MIA2: variants seen among roughly 807,000 people sequenced by gnomAD.
MIA2 encodes MIA SH3 domain ER export factor 2.
In MIA2, 127 loss-of-function variants were observed where a neutral mutation model predicts 167.8. The observed-to-expected ratio is 0.76, with a 90% confidence interval of 0.66 to 0.88. MIA2 has a LOEUF of 0.88. Ranked by LOEUF, MIA2 falls within the 40% of genes least tolerant of loss-of-function variation. The pLI is 0.00. For missense variants in MIA2, 1,690 were observed against 1,624.7 expected (o/e 1.04, Z -0.69); for synonymous variants, 552 against 541.9 (o/e 1.02, Z -0.26).
At chr14:39,381,785 C>A (rs1305571121) in intron 23 of MIA2, among the ~76,000 whole-genome samples, 1 of 150,934 alleles carries the variant, frequency 6.6e-6, no homozygotes, top group East Asian at 1.9e-4. Flanking sequence ...TAGAGTTGGT[C>A]AAACCCAATG....
chr14:39,321,023 C>T lies in MIA2; in HGVS notation c.3463C>T (p.Leu1155Phe), dbSNP rs145548637. 4 of 1,613,432 alleles carry T rather than the reference C, an allele frequency of 2.5e-6. No individual in the cohort carries two copies. Among genetic ancestry groups the T allele is most frequent in the Admixed American group, 1.7e-5 (1 of 59,886 alleles). ...PPTLLEGPLRLSPLLPGGGGR... is the reference protein window; with the variant it reads ...PPTLLEGPLRFSPLLPGGGGR... ...AACTTTGTTGGAGGGTCCACTCAGA[C>T]TCTCACCTTTGCTTCCAGGGGGAGG... Residue 1155 changes from leucine to phenylalanine, a missense_variant, in exon 24 of 29, where the codon CTC becomes TTC. Physicochemically the swap from Leu to Phe is conservative, Grantham distance 22. Coordinates refer to ENST00000640607, the MANE Select transcript of MIA2 (RefSeq NM_001329214.4).
At chr14:39,360,748 A>G (rs1268359740) in intron 23 of MIA2, among the ~76,000 whole-genome samples, 1 of 152,108 alleles carries the variant, frequency 6.6e-6, no homozygotes, top group Non-Finnish European at 1.5e-5. Context: ...AATGCCCTAT[A>G]GTGTTCCCCT....
At chr14:39,317,595 G>C (rs2065718873) in intron 21 of MIA2, among the ~76,000 whole-genome samples, 3 of 152,168 alleles carry the variant, frequency 2.0e-5, no homozygotes, top group Admixed American at 2.0e-4. Context: ...ACACAAAAAG[G>C]ATGTTTATTA....
At chr14:39,260,995 T>C (rs2055076047) in intron 6 of MIA2, among the ~76,000 whole-genome samples, 1 of 152,150 alleles carries the variant, frequency 6.6e-6, no homozygotes, top group Non-Finnish European at 1.5e-5. Context: ...TTTTTTTTCT[T>C]TTTTTAAATT....
intron 6 of MIA2, among the ~76,000 whole-genome samples, chr14:39,260,048 T>A (rs1371682477): frequency 6.6e-6 from 1 of 152,192 alleles, no homozygotes; most frequent in East Asian, 1.9e-4. Flanking sequence ...TCACCCTTTT[T>A]TATGGCTGCA....
intron 23 of MIA2, 53 bp downstream of exon 23, chr14:39,319,344 A>G (rs2066008132): frequency 6.9e-6 from 6 of 865,726 alleles, no homozygotes; most frequent in Non-Finnish European, 1.0e-5. Context: ...ACATATATAT[A>G]TATATTGCAC....
intron 6 of MIA2, chr14:39,265,522 A>G: frequency 2.3e-6 from 2 of 867,978 alleles, no homozygotes; most frequent in Middle Eastern, 4.5e-4. Context: ...GGGAACTTGG[A>G]TTTTTCTTTT....
At chr14:39,266,306 G>T in intron 6 of MIA2, 1 of 985,302 alleles carries the variant, frequency 1.0e-6, no homozygotes, top group Non-Finnish European at 1.2e-6. Context: ...AGCTAAAACC[G>T]TCTCCTACGA....
intron 26 of MIA2, chr14:39,347,404 A>G (rs1183981118): frequency 9.5e-6 from 3 of 317,206 alleles, no homozygotes; most frequent in Non-Finnish European, 1.7e-5. Context: ...CAAACATAAA[A>G]GGAGGGAGGA....
chr14:39,258,499 G>A (rs1489231670), intron 6 of MIA2, among the ~76,000 whole-genome samples: 2 of 152,092 alleles, frequency 1.3e-5, no homozygotes, highest in Non-Finnish European at 2.9e-5. Context: ...TTTTATCAAG[G>A]TTCTTGGCTT....
chr14:39,350,864 G>A (rs1044938986), downstream of MIA2: 1 of 152,088 alleles, frequency 6.6e-6, no homozygotes, highest in African/African-American at 2.4e-5. Flanking sequence ...AGTCAAAATT[G>A]ATTATATTTT....
intron 7 of MIA2, among the ~76,000 whole-genome samples, chr14:39,277,689 TGTGTA>T (rs2058247985): frequency 4.6e-4 from 16 of 34,726 alleles, no homozygotes; most frequent in African/African-American, 7.8e-4. Context: ...TATATATATG[TGTGTA>T]TATATATATA....
chr14:39,310,938 C>A (rs1296802454), intron 18 of MIA2, among the ~76,000 whole-genome samples: 1 of 151,968 alleles, frequency 6.6e-6, no homozygotes, highest in Non-Finnish European at 1.5e-5. Flanking sequence ...GTGGGCCCTT[C>A]TTTTTAGGTT....
chr14:39,376,003 G>C (rs1274633076), intron 23 of MIA2, among the ~76,000 whole-genome samples: 1 of 152,114 alleles, frequency 6.6e-6, no homozygotes, highest in South Asian at 2.1e-4. Context: ...GCCCAGGCTG[G>C]AGTGCAGTGG....
At chr14:39,311,782 G>C (rs1174435484) in intron 18 of MIA2, among the ~76,000 whole-genome samples, 1 of 145,036 alleles carries the variant, frequency 6.9e-6, no homozygotes, top group African/African-American at 2.6e-5. Context: ...GAGCCACTGT[G>C]CCTGGCCCTT....
At chr14:39,285,423 G>C (rs1286752676) in intron 9 of MIA2, among the ~76,000 whole-genome samples, 9 of 149,068 alleles carry the variant, frequency 6.0e-5, no homozygotes, top group Admixed American at 6.0e-4. Flanking sequence ...GCCGGGCGGG[G>C]GCTGACCCCC....
At chr14:39,270,359 A>G (rs2056918781) in intron 6 of MIA2, among the ~76,000 whole-genome samples, 1 of 151,194 alleles carries the variant, frequency 6.6e-6, no homozygotes, top group African/African-American at 2.4e-5. Context: ...TAACCACCAC[A>G]CCTGGCTGAT....
chr14:39,237,299 T>C (rs887236850), intron 2 of MIA2: 1 of 472,338 alleles, frequency 2.1e-6, no homozygotes, highest in Non-Finnish European at 3.9e-6. Flanking sequence ...GGCTAATTTT[T>C]GTATTCTTGG....
intron 6 of MIA2, chr14:39,266,711 G>A (rs1029112647): frequency 3.0e-6 from 3 of 985,562 alleles, no homozygotes; most frequent in Non-Finnish European, 1.2e-6. Context: ...CTGGCTTCTC[G>A]GGGCTGCCGG....
Sources: allele counts gnomAD v4.1 joint callset (sites outside exome capture counted in the v4.1 genomes callset), GRCh38; gene constraint gnomAD v4.1.1; transcripts MANE v1.5; gene names NCBI Gene and HGNC (gene_info 2026-07-23, HGNC 2026-07-21).